The following SORCS1 variants were observed in gnomAD, a reference collection of about 807,000 sequenced individuals.
SORCS1 encodes sortilin related VPS10 domain containing receptor 1.
SORCS1 carries 60 observed loss-of-function variants against 146.1 expected under a neutral mutation model. The ratio of observed to expected loss-of-function variants is 0.41; its 90% CI spans 0.33 to 0.51. SORCS1 has a LOEUF of 0.51. Ranked by LOEUF, SORCS1 falls within the 20% of genes least tolerant of loss-of-function variation. SORCS1 has a pLI of 0.21. For missense variants in SORCS1, 1,352 were observed against 1,487.6 expected (o/e 0.91, Z 1.50); for synonymous variants, 637 against 584.0 (o/e 1.09, Z -1.31).
chr10:107,015,089 T>C (rs1398721682), intron 1 of SORCS1, among the ~76,000 whole-genome samples: 1 of 152,242 alleles, frequency 6.6e-6, no homozygotes, highest in Non-Finnish European at 1.5e-5. Flanking sequence ...CACCAGAGTA[T>C]ACCCTATATC....
At chr10:106,589,191 C>T (rs939910959) in intron 24 of SORCS1, among the ~76,000 whole-genome samples, 1 of 152,178 alleles carries the variant, frequency 6.6e-6, no homozygotes, top group Non-Finnish European at 1.5e-5. Flanking sequence ...TTACGAAGGG[C>T]ACATAATCCC....
chr10:106,964,954 T>C (rs1037588727), intron 1 of SORCS1, among the ~76,000 whole-genome samples: 5 of 150,500 alleles, frequency 3.3e-5, no homozygotes, highest in African/African-American at 1.2e-4. Flanking sequence ...CCAGATCTAG[T>C]AGAATGCCGT....
intron 1 of SORCS1, among the ~76,000 whole-genome samples, chr10:107,112,351 C>T (rs1350124966): frequency 2.0e-5 from 3 of 151,886 alleles, no homozygotes; most frequent in Non-Finnish European, 4.4e-5. Context: ...TACGTATGTT[C>T]CATGGTAAGG....
chr10:106,671,209 G>T (rs1564840499), intron 16 of SORCS1, 28 bp downstream of exon 16: 1 of 1,613,446 alleles, frequency 6.2e-7, no homozygotes, highest in South Asian at 1.1e-5. Flanking sequence ...ACACCAAATG[G>T]CTCCAGGAGA....
At chr10:107,016,744 T>A (rs1957913685) in intron 1 of SORCS1, among the ~76,000 whole-genome samples, 1 of 152,100 alleles carries the variant, frequency 6.6e-6, no homozygotes, top group Admixed American at 6.5e-5. Context: ...AAAGGGAAGG[T>A]ATCCAGTAGG....
chr10:106,773,167 G>A (rs1469160601), intron 4 of SORCS1, among the ~76,000 whole-genome samples: 1 of 152,190 alleles, frequency 6.6e-6, no homozygotes, highest in Non-Finnish European at 1.5e-5. Flanking sequence ...GATCCTAGCT[G>A]GGAGATCTGC....
intron 10 of SORCS1, among the ~76,000 whole-genome samples, chr10:106,682,827 T>C (rs971632417): frequency 1.3e-5 from 2 of 152,224 alleles, no homozygotes; most frequent in East Asian, 3.8e-4. Context: ...TTCTCTATTT[T>C]CCTGACCTTT....
intron 1 of SORCS1, among the ~76,000 whole-genome samples, chr10:107,038,260 A>G (rs11193181): frequency 0.32 from 49,097 of 152,134 alleles, 8,269 homozygotes; most frequent in Middle Eastern, 0.4. Context: ...AACGAAAAGA[A>G]AAACAAATTT....
rs1161174866 is a variant in SORCS1, at chr10:106,989,271, GAAAAAAAAAAA to G, written c.559-32702_559-32692del. On this transcript the variant is annotated intron_variant, in intron 1 of 25. Coordinates refer to ENST00000263054, the MANE Select transcript of SORCS1 (RefSeq NM_052918.5). ...GGTGTCAGTGAAAGGCTCCACCTCA[GAAAAAAAAAAA>G]AAAAAAAAAAAAAAAGAATACTCCA... Among the ~76,000 whole-genome samples the G allele has an allele frequency of 5.0e-4, 38 of 75,672 alleles. 1 individual carries two copies. In the South Asian group the frequency reaches 0.014, roughly 28 times the overall value. 49.6% of individuals were successfully genotyped at this position (75,672 alleles called of 152,430 possible).
rs949840624 is a variant in SORCS1 at position 106,575,365 on chromosome 10, A to G, written c.*2055T>C. On this transcript the variant is annotated 3_prime_UTR_variant, in exon 26 of 26. Transcript: ENST00000263054. ...GTGCCTGAACTACATGAAGTCATGG[A>G]CATCAGGATCTTTAGGACACCCTCA... The G allele has an allele frequency of 3.3e-5, 5 of 152,268 alleles. No homozygotes were observed. Among genetic ancestry groups the G allele is most frequent in the African/African-American group, 1.2e-4 (5 of 41,460 alleles). 9.4% of individuals were successfully genotyped at this position (152,268 alleles called of 1,614,324 possible). A position where few individuals can be genotyped will look rare whatever the true frequency, so the allele number is the denominator to read the frequency against.
At chr10:107,043,388 G>A (rs779112693) in intron 1 of SORCS1, among the ~76,000 whole-genome samples, 11 of 152,124 alleles carry the variant, frequency 7.2e-5, no homozygotes, top group African/African-American at 1.4e-4. Flanking sequence ...TGATTCCGCC[G>A]TCTGAATGAT....
chr10:106,907,895 CAAA>C (rs11452551), intron 2 of SORCS1, among the ~76,000 whole-genome samples: 1 of 136,788 alleles, frequency 7.3e-6, no homozygotes. Flanking sequence ...CCACTGCACT[CAAA>C]AAAAAAAAAA....
intron 3 of SORCS1, among the ~76,000 whole-genome samples, chr10:106,784,975 A>G (rs1259645073): frequency 6.6e-6 from 1 of 152,076 alleles, no homozygotes; most frequent in Non-Finnish European, 1.5e-5. Context: ...ACATTAATCC[A>G]CTCTAAAAAT....
At chr10:106,776,313 A>G (rs924615814) in intron 4 of SORCS1, among the ~76,000 whole-genome samples, 2 of 152,220 alleles carry the variant, frequency 1.3e-5, no homozygotes, top group African/African-American at 4.8e-5. Flanking sequence ...TGTCTTACTT[A>G]GTACACCTAA....
intron 2 of SORCS1, among the ~76,000 whole-genome samples, chr10:106,896,547 T>C (rs531755024): frequency 6.6e-6 from 1 of 152,064 alleles, no homozygotes; most frequent in Non-Finnish European, 1.5e-5. Context: ...GATGAAAATT[T>C]TTTTAAGATC....
At chr10:106,814,977 T>G (rs945341672) in intron 3 of SORCS1, among the ~76,000 whole-genome samples, 1 of 152,022 alleles carries the variant, frequency 6.6e-6, no homozygotes, top group Non-Finnish European at 1.5e-5. Context: ...TTTTAGTTTT[T>G]GAGACGGAGT....
intron 1 of SORCS1, among the ~76,000 whole-genome samples, chr10:107,110,099 A>G (rs1338266145): frequency 6.6e-6 from 1 of 152,194 alleles, no homozygotes; most frequent in Non-Finnish European, 1.5e-5. Flanking sequence ...CATATCACTA[A>G]CAGCATTTTG....
chr10:106,852,357 C>A (rs190014418), intron 2 of SORCS1, among the ~76,000 whole-genome samples: 18 of 152,150 alleles, frequency 1.2e-4, no homozygotes, highest in African/African-American at 4.3e-4. Context: ...CGGCTGGGTG[C>A]GGTGGCTCAC....
chr10:106,813,466 A>G (rs927483082), intron 3 of SORCS1, among the ~76,000 whole-genome samples: 9 of 152,194 alleles, frequency 5.9e-5, no homozygotes, highest in African/African-American at 1.9e-4. Context: ...ATTCCCTCCA[A>G]TGGAGAAAAG....
Sources: gnomAD v4.1 joint callset for allele counts (sites outside exome capture counted in the v4.1 genomes callset) on GRCh38, gnomAD v4.1.1 for gene constraint, MANE v1.5 for transcripts, NCBI Gene and HGNC (gene_info 2026-07-23, HGNC 2026-07-21) for gene names.